REEP5: variants seen among roughly 807,000 people sequenced by gnomAD.
The protein encoded by REEP5 is receptor accessory protein 5, also known as receptor expression-enhancing protein 5.
REEP5 carries 24 observed loss-of-function variants against 22.4 expected under a neutral mutation model. The ratio of observed to expected loss-of-function variants is 1.07; its 90% confidence interval spans 0.78 to 1.51. The LOEUF is 1.51. Ranked by LOEUF, REEP5 falls within the 40% of genes most tolerant of loss-of-function variation. The pLI, the probability that REEP5 is intolerant of heterozygous loss-of-function variation, is 0.00. For synonymous variants in REEP5, 103 were observed against 88.6 expected, an observed-to-expected ratio of 1.16 and a Z score of -0.92; for missense variants, 252 against 233.0, an observed-to-expected ratio of 1.08 and a Z score of -0.53.
intron 2 of REEP5, among the ~76,000 whole-genome samples, chr5:112,918,127 G>A (rs75752607): frequency 0.039 from 5,921 of 152,216 alleles, 192 homozygotes; most frequent in East Asian, 0.13. Flanking sequence ...TGAAAGGAAG[G>A]CTGGAATTAG....
At chr5:112,893,828 T>C (rs761321310) in intron 3 of REEP5, 6 of 152,250 alleles carry the variant, frequency 3.9e-5, no homozygotes, top group Admixed American at 6.5e-5. Context: ...TATGTGCAAG[T>C]AGTTCGATGT....
intron 3 of REEP5, chr5:112,895,272 G>C (rs1768648622): frequency 1.3e-5 from 2 of 149,110 alleles, no homozygotes. Context: ...GGAGAGGTGG[G>C]GTGTGTTTTA....
At chr5:112,915,383 C>G (rs1362458677) in intron 2 of REEP5, among the ~76,000 whole-genome samples, 1 of 152,170 alleles carries the variant, frequency 6.6e-6, no homozygotes, top group East Asian at 1.9e-4. Flanking sequence ...AGCGGGCGAA[C>G]CTTAACTGAA....
intron 3 of REEP5, among the ~76,000 whole-genome samples, chr5:112,898,779 A>T (rs1768771008): frequency 6.6e-6 from 1 of 152,220 alleles, no homozygotes. Flanking sequence ...CAAATTAAAG[A>T]TTGTAAGAAT....
chr5:112,910,999 G>A (rs1769092073), intron 2 of REEP5, among the ~76,000 whole-genome samples: 2 of 152,094 alleles, frequency 1.3e-5, no homozygotes, highest in South Asian at 4.1e-4. Context: ...TGGAGTTAAG[G>A]GTATCCATGT....
At chr5:112,912,889 C>T (rs887072070) in intron 2 of REEP5, among the ~76,000 whole-genome samples, 5 of 152,132 alleles carry the variant, frequency 3.3e-5, no homozygotes, top group Non-Finnish European at 7.3e-5. Context: ...TATTTTTCTC[C>T]TTCATAGAAA....
In REEP5 at chr5:112,922,176, C is replaced by T. The variant is rs757758170; in HGVS notation, c.15G>A (p.Met5Ile). MSAA[M>I]RERFDRFLHE... ...GCAGGAACCGGTCGAACCTCTCCCT[C>T]ATGGCCGCAGACATGGCGGGGACCG... Residue 5 changes from methionine (M) to isoleucine (I), a missense_variant, in exon 1 of 5, where the codon ATG becomes ATA. Physicochemically the swap from Met to Ile is conservative, Grantham distance 10. Transcript: ENST00000379638. The T allele has an allele frequency of 3.7e-6, 6 of 1,607,320 alleles. No homozygotes were observed. The African/African-American group carries it at 6.7e-5, about 18-fold the overall frequency.
intron 2 of REEP5, among the ~76,000 whole-genome samples, chr5:112,916,306 T>A (rs549631352): frequency 6.6e-6 from 1 of 152,208 alleles, no homozygotes; most frequent in Non-Finnish European, 1.5e-5. Context: ...CTGACCTCGA[T>A]AGGGGTCATC....
rs180940157 is a variant in REEP5, at chr5:112,880,864, C to T, written c.521-2029G>A. Among the ~76,000 whole-genome samples, 1,045 of 152,268 alleles carry T rather than the reference C, an allele frequency of 6.9e-3. 8 individuals carry two copies. Among genetic ancestry groups the T allele is most frequent in the South Asian group, 0.012 (58 of 4,828 alleles). On this transcript the variant is annotated intron_variant, in intron 4 of 4. Coordinates refer to ENST00000379638, the MANE Select transcript of REEP5 (RefSeq NM_005669.5). ...GTAATCCTGGCTGGGCATGGTGGCT[C>T]ATGCCTGTAATCCCAGCATTTTGAG...
intron 2 of REEP5, among the ~76,000 whole-genome samples, chr5:112,913,536 T>TA (rs148324454): frequency 0.042 from 2,742 of 65,456 alleles, 114 homozygotes; most frequent in Non-Finnish European, 0.052. Context: ...TGACCCTGGC[T>TA]AAAAAAAAAA....
At chr5:112,899,888 A>T (rs1202122761) in intron 3 of REEP5, among the ~76,000 whole-genome samples, 1 of 152,228 alleles carries the variant, frequency 6.6e-6, no homozygotes, top group African/African-American at 2.4e-5. Flanking sequence ...GAAACTCTAA[A>T]ATCTAAATGC....
rs575055238 is a variant in REEP5, at chr5:112,877,322, G to A, written c.*1464C>T. The A allele has an allele frequency of 4.6e-5, 7 of 152,212 alleles. No individual in the cohort carries two copies. The highest frequency in any genetic ancestry group is 1.4e-4 in the African/African-American group (6 of 41,542). The allele number at this position is 152,212 out of a possible 1,614,324, so 9.4% of individuals were successfully genotyped here. A position where few individuals can be genotyped will look rare whatever the true frequency, so the allele number is the denominator to read the frequency against. On this transcript the variant is annotated 3_prime_UTR_variant, in exon 5 of 5. Transcript: ENST00000379638. ...ATCTTTATTTGCCTTAAAAAATACT[G>A]TACTGGCTGGATATTTAATCTTGTT...
chr5:112,880,328 AT>A (rs1768030993), intron 4 of REEP5, among the ~76,000 whole-genome samples: 2 of 152,192 alleles, frequency 1.3e-5, no homozygotes, highest in Admixed American at 6.5e-5. Flanking sequence ...GTGGCAGGGA[AT>A]GTGCTATGAG....
intron 3 of REEP5, chr5:112,895,612 T>C (rs1561653115): frequency 6.6e-6 from 1 of 152,204 alleles, no homozygotes; most frequent in Non-Finnish European, 1.5e-5. Flanking sequence ...AGTAAAATAA[T>C]TACTGCTCTC....
chr5:112,878,596 G>A lies in REEP5; in HGVS notation c.*190C>T. 1 of 824,186 alleles carries A rather than the reference G, an allele frequency of 1.2e-6. No homozygotes were observed. The highest frequency in any genetic ancestry group is 1.8e-6 in the Non-Finnish European group (1 of 552,348). The allele number at this position is 824,186 out of a possible 1,614,324, so 51.1% of individuals were successfully genotyped here. ...ACGTGGACACTGCCCACTGCATTAA[G>A]TTTAAAGTGCTCCCTATATATATAG... On this transcript the variant is annotated 3_prime_UTR_variant, in exon 5 of 5. Transcript: ENST00000379638.
At chr5:112,913,849 A>T (rs1454362768) in intron 2 of REEP5, among the ~76,000 whole-genome samples, 1 of 152,010 alleles carries the variant, frequency 6.6e-6, no homozygotes, top group Non-Finnish European at 1.5e-5. Context: ...GGTGGCTATC[A>T]CCCTAGCAGC....
rs34475290 is a variant in REEP5, at chr5:112,890,369, C to CTT, written c.352-3188_352-3187dup. Reference sequence around the variant, plus strand: ...AGAATAAAGAACACAAAATTTAAGTCTTTTTTTTTTTTTAAATAAAAAAGG... The same window carrying CTT: ...AGAATAAAGAACACAAAATTTAAGTCTTTTTTTTTTTTTTTAAATAAAAAAGG... On this transcript the variant is annotated intron_variant, in intron 3 of 4. Coordinates refer to ENST00000379638, the MANE Select transcript of REEP5 (RefSeq NM_005669.5). 3.1e-4 allele frequency among the ~76,000 whole-genome samples: 44 copies of CTT among 143,382 alleles called. 1 individual carries two copies. The highest frequency in any genetic ancestry group is 9.7e-4 in the African/African-American group (37 of 37,994). The allele number at this position is 143,382 out of a possible 152,430, so 94.1% of individuals were successfully genotyped here. A position where few individuals can be genotyped will look rare whatever the true frequency, so the allele number is the denominator to read the frequency against.
intron 3 of REEP5, among the ~76,000 whole-genome samples, chr5:112,888,976 G>A (rs1580734339): frequency 6.6e-6 from 1 of 150,890 alleles, no homozygotes. Flanking sequence ...TAAGTCTCAC[G>A]AGATGTGATA....
At position 112,876,459 on chromosome 5, in the gene REEP5, C is replaced by T. The variant is rs1767897691; in HGVS notation, c.*2327G>A. The T allele has an allele frequency of 6.6e-6, 1 of 152,130 alleles. No homozygotes were observed. Among genetic ancestry groups the T allele is most frequent in the African/African-American group, 2.4e-5 (1 of 41,434 alleles). The allele number at this position is 152,130 out of a possible 1,614,324, so 9.4% of individuals were successfully genotyped here. A position where few individuals can be genotyped will look rare whatever the true frequency, so the allele number is the denominator to read the frequency against. On this transcript the variant is annotated 3_prime_UTR_variant, in exon 5 of 5. Transcript: ENST00000379638. ...ATCACATCTTCAGGATAGGTGATAA[C>T]AGTGTGAAGGGTGTGCTCATTTTCT...
Sources: allele counts gnomAD v4.1 joint callset (sites outside exome capture counted in the v4.1 genomes callset), GRCh38; gene constraint gnomAD v4.1.1; transcripts MANE v1.5; gene names NCBI Gene and HGNC (gene_info 2026-07-23, HGNC 2026-07-21).